CTIF: variants seen among roughly 807,000 people sequenced by gnomAD.
The protein encoded by CTIF is CBP80/20-dependent translation initiation factor.
Under a neutral mutation model 66.0 loss-of-function variants are expected in CTIF, and 21 were observed. That is an observed-to-expected ratio of 0.32 (90% CI 0.23 to 0.46). The LOEUF (loss-of-function observed/expected upper bound fraction) is 0.46. Ranked by LOEUF, CTIF falls within the 20% of genes least tolerant of loss-of-function variation. The probability of loss-of-function intolerance (pLI) is 1.00; values close to 1 mark genes in which losing one functional copy is unlikely to be tolerated. For synonymous variants in CTIF, 345 were observed against 326.4 expected, an observed-to-expected ratio of 1.06 and a Z score of -0.62; for missense variants, 739 against 812.7, an observed-to-expected ratio of 0.91 and a Z score of 1.10.
At chr18:48,682,258 C>T (rs1263022867) in intron 6 of CTIF, among the ~76,000 whole-genome samples, 3 of 152,230 alleles carry the variant, frequency 2.0e-5, no homozygotes, top group Non-Finnish European at 4.4e-5. Context: ...GCATGCCTCA[C>T]CCACACATGC....
intron 3 of CTIF, among the ~76,000 whole-genome samples, chr18:48,650,970 G>C (rs1460929115): frequency 1.3e-5 from 2 of 152,140 alleles, no homozygotes; most frequent in East Asian, 3.9e-4. Context: ...CACCAGGCCT[G>C]CCTTACAGGA....
intron 6 of CTIF, among the ~76,000 whole-genome samples, chr18:48,692,974 G>T (rs1337224309): frequency 1.3e-5 from 2 of 152,198 alleles, no homozygotes; most frequent in African/African-American, 2.4e-5. Flanking sequence ...GACCTTGATA[G>T]ACTACAGCCC....
intron 3 of CTIF, among the ~76,000 whole-genome samples, chr18:48,657,383 T>C (rs905156176): frequency 6.6e-6 from 1 of 152,238 alleles, no homozygotes; most frequent in South Asian, 2.1e-4. Context: ...TTTTTCCCTG[T>C]TAAAACTTGA....
intron 7 of CTIF, among the ~76,000 whole-genome samples, chr18:48,730,214 G>A (rs2092426920): frequency 6.7e-6 from 1 of 149,922 alleles, no homozygotes; most frequent in African/African-American, 2.5e-5. Flanking sequence ...CTCCTGTGGT[G>A]TGAGGAGCCC....
At chr18:48,636,380 G>A (rs1045338665) in intron 2 of CTIF, among the ~76,000 whole-genome samples, 1 of 152,246 alleles carries the variant, frequency 6.6e-6, no homozygotes, top group Non-Finnish European at 1.5e-5. Flanking sequence ...GCTGGGCTCA[G>A]GTGAAGGGAA....
chr18:48,834,906 C>A, intron 10 of CTIF: 1 of 152,742 alleles, frequency 6.5e-6, no homozygotes. Flanking sequence ...ATGCGCTGAG[C>A]CTTCCTCGTG....
chr18:48,768,886 AGAGT>A (rs898751598), intron 9 of CTIF, among the ~76,000 whole-genome samples: 2 of 152,238 alleles, frequency 1.3e-5, no homozygotes, highest in Non-Finnish European at 2.9e-5. Context: ...TGTGAGCGAC[AGAGT>A]GAGACTCTAA....
intron 3 of CTIF, among the ~76,000 whole-genome samples, chr18:48,649,311 G>A (rs2091110607): frequency 6.6e-6 from 1 of 152,242 alleles, no homozygotes; most frequent in Non-Finnish European, 1.5e-5. Context: ...TCCTGCAGCT[G>A]GCTCAGCGGG....
intron 3 of CTIF, among the ~76,000 whole-genome samples, chr18:48,660,313 C>T (rs1160576268): frequency 6.6e-6 from 1 of 152,098 alleles, no homozygotes; most frequent in Non-Finnish European, 1.5e-5. Flanking sequence ...GCCACCGTGA[C>T]TCCACCACCT....
intron 3 of CTIF, among the ~76,000 whole-genome samples, chr18:48,637,610 G>A (rs1032202205): frequency 8.5e-5 from 13 of 152,118 alleles, no homozygotes; most frequent in Non-Finnish European, 1.6e-4. Context: ...TCGGTCTCCT[G>A]GCAGATTCAC....
At chr18:48,729,686 G>A (rs981324884) in intron 7 of CTIF, among the ~76,000 whole-genome samples, 5 of 152,202 alleles carry the variant, frequency 3.3e-5, no homozygotes, top group East Asian at 1.9e-4. Flanking sequence ...TGGAAAACAC[G>A]TGCTCCTTTT....
chr18:48,688,488 C>T (rs1176185479), intron 6 of CTIF: 1 of 152,310 alleles, frequency 6.6e-6, no homozygotes, highest in African/African-American at 2.4e-5. Flanking sequence ...GAGTAAGGAA[C>T]AGCCAGCATT....
chr18:48,806,748 GCCAGAGCTCATGTGGTTAT>G (rs1384729716), intron 9 of CTIF, among the ~76,000 whole-genome samples: 1 of 152,184 alleles, frequency 6.6e-6, no homozygotes, highest in Non-Finnish European at 1.5e-5. Context: ...GCTCCACCAT[GCCAGAGCTCATGTGGTTAT>G]CCCGAGTGGG....
chr18:48,747,533 C>T (rs958038804), intron 7 of CTIF, among the ~76,000 whole-genome samples: 3 of 152,168 alleles, frequency 2.0e-5, no homozygotes, highest in Non-Finnish European at 4.4e-5. Flanking sequence ...GTCCTGGGGT[C>T]ACTACTCAGT....
chr18:48,606,071 C>CG (rs2090194674), intron 1 of CTIF, among the ~76,000 whole-genome samples: 1 of 152,192 alleles, frequency 6.6e-6, no homozygotes, highest in African/African-American at 2.4e-5. Flanking sequence ...CCTCTGTAAT[C>CG]GGGCTTTATG....
intron 9 of CTIF, among the ~76,000 whole-genome samples, chr18:48,811,128 A>G (rs1212360182): frequency 6.6e-6 from 1 of 152,158 alleles, no homozygotes; most frequent in Non-Finnish European, 1.5e-5. Flanking sequence ...ACTAATCTCT[A>G]GTAATTTAAT....
chr18:48,752,356 A>G (rs1202640571), intron 7 of CTIF, among the ~76,000 whole-genome samples: 1 of 152,188 alleles, frequency 6.6e-6, no homozygotes, highest in Non-Finnish European at 1.5e-5. Flanking sequence ...CATCATGATA[A>G]TGATGGCTCT....
At chr18:48,725,201 T>TGAGCTGC (rs1182780159) in intron 7 of CTIF, among the ~76,000 whole-genome samples, 14 of 152,264 alleles carry the variant, frequency 9.2e-5, no homozygotes, top group African/African-American at 3.4e-4. Context: ...CTTTGAGCTG[T>TGAGCTGC]GAGCTGCAGC....
intron 10 of CTIF, among the ~76,000 whole-genome samples, chr18:48,849,831 G>A (rs577806280): frequency 3.3e-5 from 5 of 151,986 alleles, no homozygotes; most frequent in East Asian, 1.9e-4. Context: ...TGATCCACCC[G>A]TCTCGACCTC....
Sources: gnomAD v4.1 joint callset for allele counts (sites outside exome capture counted in the v4.1 genomes callset) on GRCh38, gnomAD v4.1.1 for gene constraint, MANE v1.5 for transcripts, NCBI Gene and HGNC (gene_info 2026-07-23, HGNC 2026-07-21) for gene names.